Variants in ALKBH8 observed in about 807,000 individuals in gnomAD.
The protein encoded by ALKBH8 is alkB homolog 8, tRNA methyltransferase, also known as tRNA (carboxymethyluridine(34)-5-O)-methyltransferase ALKBH8.
Under a neutral mutation model 59.8 loss-of-function variants are expected in ALKBH8, and 36 were observed. The observed-to-expected ratio is 0.60, with a 90% CI of 0.46 to 0.79. The LOEUF is 0.79. Ranked by LOEUF, ALKBH8 falls within the 30% of genes least tolerant of loss-of-function variation. ALKBH8 has a pLI of 0.00. For missense variants in ALKBH8, 768 were observed against 801.0 expected (o/e 0.96, Z 0.50); for synonymous variants, 276 against 273.6 (o/e 1.01, Z -0.09).
At chr11:107,525,380 T>C in intron 9 of ALKBH8, 61 bp downstream of exon 9, 2 of 1,454,738 alleles carry the variant, frequency 1.4e-6, no homozygotes, top group Non-Finnish European at 1.8e-6. Flanking sequence ...TGACAGGACC[T>C]TAAAGGACTT....
chr11:107,540,929 A>C (rs1864009075), intron 7 of ALKBH8, among the ~76,000 whole-genome samples: 1 of 152,188 alleles, frequency 6.6e-6, no homozygotes, highest in Non-Finnish European at 1.5e-5. Context: ...GTATTTTTAC[A>C]AATAGGGTGG....
chr11:107,556,386 A>C (rs1414098844), intron 3 of ALKBH8, among the ~76,000 whole-genome samples: 1 of 152,248 alleles, frequency 6.6e-6, no homozygotes, highest in Non-Finnish European at 1.5e-5. Flanking sequence ...CATTTGGATC[A>C]CGATTCATTC....
At chr11:107,510,787 G>T (rs1305159677) in intron 11 of ALKBH8, 100 bp downstream of exon 11, 5 of 1,247,756 alleles carry the variant, frequency 4.0e-6, no homozygotes, top group Admixed American at 2.6e-5. Flanking sequence ...AGAACGGAAA[G>T]AACTGAAAAG....
At chr11:107,529,797 C>T (rs1381116018) in intron 8 of ALKBH8, among the ~76,000 whole-genome samples, 5 of 152,100 alleles carry the variant, frequency 3.3e-5, no homozygotes, top group Non-Finnish European at 7.4e-5. Flanking sequence ...CCACCGCACC[C>T]GGCCCTGTCT....
intron 1 of ALKBH8, 62 bp downstream of exon 1, chr11:107,565,539 G>A: frequency 6.5e-7 from 1 of 1,534,624 alleles, no homozygotes; most frequent in South Asian, 1.2e-5. Context: ...GACCGGAAGA[G>A]GCTGAAAAGA....
chr11:107,556,837 G>T lies in ALKBH8; in HGVS notation c.296C>A (p.Thr99Asn), dbSNP rs889348317. 65 of 1,565,452 alleles carry T rather than the reference G, an allele frequency of 4.2e-5. No individual in the cohort carries two copies. The highest frequency in any genetic ancestry group is 5.4e-5 in the Non-Finnish European group (62 of 1,156,862). The change falls in exon 3 of 12, where the codon ACC (threonine) becomes AAC (asparagine). Residue 99 changes from threonine (T) to asparagine (N), a missense_variant. Physicochemically the swap from Thr to Asn is moderately conservative, Grantham distance 65. Transcript: ENST00000428149. ...ATCCACTACTTCTTTTCCATTGAGGGTAACATAGGCTCTCTTAGATTCTTC... is the reference window on the plus strand; with the variant it reads ...ATCCACTACTTCTTTTCCATTGAGGTTAACATAGGCTCTCTTAGATTCTTC... ...TTEESKRAYV[T>N]LNGKEVVDDL...
chr11:107,531,577 T>C (rs1230060519), intron 8 of ALKBH8, among the ~76,000 whole-genome samples: 1 of 152,234 alleles, frequency 6.6e-6, no homozygotes, highest in Non-Finnish European at 1.5e-5. Flanking sequence ...TCAGAAAGAA[T>C]GCTTAAAGCA....
chr11:107,542,575 T>G (rs947431736), intron 7 of ALKBH8, among the ~76,000 whole-genome samples: 11 of 152,190 alleles, frequency 7.2e-5, no homozygotes, highest in African/African-American at 2.4e-4. Flanking sequence ...AAAGCGGTAC[T>G]TAAAAGCAAA....
At chr11:107,563,514 A>C (rs1565354121) in intron 1 of ALKBH8, 2 of 151,994 alleles carry the variant, frequency 1.3e-5, no homozygotes, top group African/African-American at 2.4e-5. Flanking sequence ...GCTTTCTTAG[A>C]ATTAAATTTA....
chr11:107,504,794 C>A lies in ALKBH8; in HGVS notation c.1859G>T (p.Ser620Ile), dbSNP rs571576862. Residue 620 changes from serine (S) to isoleucine (I), a missense_variant, in exon 12 of 12, where the codon AGT becomes ATT. Coordinates refer to ENST00000428149, the MANE Select transcript of ALKBH8 (RefSeq NM_138775.3). ...PFGPIGSQDP[S>I]PVFHRYYHVF... ...ATGGTAGTAACGATGAAACACAGGA[C>A]TTGGGTCCTGGGATCCTATGGGACC... The A allele has an allele frequency of 1.6e-5, 25 of 1,551,940 alleles. No individual in the cohort carries two copies. In the African/African-American group the frequency reaches 2.9e-4, roughly 18 times the overall value.
chr11:107,555,541 A>T (rs1441156183), intron 3 of ALKBH8, among the ~76,000 whole-genome samples: 1 of 152,248 alleles, frequency 6.6e-6, no homozygotes, highest in Non-Finnish European at 1.5e-5. Flanking sequence ...AGGATAATCT[A>T]GTTTCCAAAA....
intron 7 of ALKBH8, among the ~76,000 whole-genome samples, chr11:107,533,262 T>C (rs1412350034): frequency 6.6e-6 from 1 of 151,970 alleles, no homozygotes; most frequent in Non-Finnish European, 1.5e-5. Context: ...AACAAATCAA[T>C]CCATTTGAAA....
intron 7 of ALKBH8, among the ~76,000 whole-genome samples, chr11:107,542,937 G>A (rs1864102804): frequency 6.6e-6 from 1 of 151,928 alleles, no homozygotes; most frequent in Admixed American, 6.6e-5. Context: ...GCCATGTTCT[G>A]AATGTTCTAA....
chr11:107,540,830 T>C (rs554155264), intron 7 of ALKBH8, among the ~76,000 whole-genome samples: 9 of 152,366 alleles, frequency 5.9e-5, no homozygotes, highest in Non-Finnish European at 1.0e-4. Context: ...ATATTTTAAA[T>C]TGTATCTTTG....
Position 107,553,964 on chromosome 11 carries a change from A to T in ALKBH8, c.382T>A (p.Leu128Met). 4.3e-6 allele frequency: 7 copies of T among 1,613,582 alleles called. No individual in the cohort carries two copies. Among genetic ancestry groups the T allele is most frequent in the Non-Finnish European group, 5.9e-6 (7 of 1,179,776 alleles). The change falls in exon 4 of 12, where the codon TTG becomes ATG. Residue 128 changes from leucine to methionine, a missense_variant. Transcript: ENST00000428149. Reference sequence around the variant, plus strand: ...CCTGGTGGTAAGGCTTGAGGCCTCAACTCCTTCCACTGCACTATGGGAAAC... The same window carrying T: ...CCTGGTGGTAAGGCTTGAGGCCTCATCTCCTTCCACTGCACTATGGGAAAC... ...NFVEKVQWKE[L>M]RPQALPPGLM...
At chr11:107,528,675 G>C (rs1290600120) in intron 8 of ALKBH8, among the ~76,000 whole-genome samples, 1 of 152,182 alleles carries the variant, frequency 6.6e-6, no homozygotes, top group Non-Finnish European at 1.5e-5. Flanking sequence ...AGGCCAAGGA[G>C]TTCCTAACTG....
chr11:107,546,512 C>T (rs682334), intron 7 of ALKBH8, among the ~76,000 whole-genome samples: 83,606 of 151,898 alleles, frequency 0.55, 23,321 homozygotes, highest in Non-Finnish European at 0.57. Flanking sequence ...AGCTCATCCT[C>T]AGTTAGGGGA....
At chr11:107,545,763 T>C (rs1346448439) in intron 7 of ALKBH8, among the ~76,000 whole-genome samples, 1 of 152,172 alleles carries the variant, frequency 6.6e-6, no homozygotes, top group African/African-American at 2.4e-5. Flanking sequence ...ATATAAATAC[T>C]AGCCAGTGCA....
chr11:107,542,925 T>C (rs1340848393), intron 7 of ALKBH8, among the ~76,000 whole-genome samples: 4 of 151,134 alleles, frequency 2.6e-5, no homozygotes, highest in Admixed American at 1.3e-4. Context: ...ACAGGAATAT[T>C]TGCCATGTTC....
Sources: gnomAD v4.1 joint callset for allele counts (sites outside exome capture counted in the v4.1 genomes callset) on GRCh38, gnomAD v4.1.1 for gene constraint, MANE v1.5 for transcripts, NCBI Gene and HGNC (gene_info 2026-07-23, HGNC 2026-07-21) for gene names.